BMP6: variants seen among roughly 807,000 people sequenced by gnomAD.
BMP6 encodes the protein bone morphogenetic protein 6, also known as VG-1-R.
In BMP6, 17 loss-of-function variants were observed where a neutral mutation model predicts 54.1. The observed-to-expected ratio is 0.31, with a 90% CI of 0.22 to 0.47. The LOEUF (loss-of-function observed/expected upper bound fraction) is 0.47. Ranked by LOEUF, BMP6 falls within the 20% of genes least tolerant of loss-of-function variation. BMP6 has a pLI of 1.00. For missense variants in BMP6, 720 were observed against 690.4 expected (o/e 1.04, Z -0.48); for synonymous variants, 328 against 291.2 (o/e 1.13, Z -1.28).
chr6:7,809,489 G>A (rs1448147944), intron 1 of BMP6, among the ~76,000 whole-genome samples: 1 of 152,210 alleles, frequency 6.6e-6, no homozygotes, highest in Non-Finnish European at 1.5e-5. Flanking sequence ...TGAGCAACAG[G>A]ATTTTTTTTT....
chr6:7,774,542 A>T (rs1757836550), intron 1 of BMP6, among the ~76,000 whole-genome samples: 1 of 152,046 alleles, frequency 6.6e-6, no homozygotes, highest in African/African-American at 2.4e-5. Flanking sequence ...ACAGAGGGAG[A>T]CTCTGTCTCA....
intron 4 of BMP6, among the ~76,000 whole-genome samples, chr6:7,867,735 A>AT (rs1759447634): frequency 6.6e-6 from 1 of 152,256 alleles, no homozygotes; most frequent in South Asian, 2.1e-4. Context: ...TTAATTCTCC[A>AT]TAGACATGGA....
intron 1 of BMP6, among the ~76,000 whole-genome samples, chr6:7,791,986 T>TTGGA (rs55687662): frequency 0.023 from 3,490 of 150,400 alleles, 91 homozygotes; most frequent in East Asian, 0.11. Flanking sequence ...ACAGGACCAA[T>TTGGA]TGGATGGATG....
intron 1 of BMP6, among the ~76,000 whole-genome samples, chr6:7,739,445 T>C (rs1231494125): frequency 6.6e-6 from 1 of 152,204 alleles, no homozygotes; most frequent in Non-Finnish European, 1.5e-5. Context: ...TATGGCCTTT[T>C]GCCTTAAAGA....
intron 4 of BMP6, among the ~76,000 whole-genome samples, chr6:7,872,965 A>G (rs1040583565): frequency 1.3e-5 from 2 of 151,716 alleles, no homozygotes; most frequent in Non-Finnish European, 2.9e-5. Context: ...GGCACACACC[A>G]CTATGTCCAG....
intron 1 of BMP6, among the ~76,000 whole-genome samples, chr6:7,838,159 AAGAG>A (rs928834925): frequency 7.9e-4 from 121 of 152,330 alleles, no homozygotes; most frequent in African/African-American, 2.8e-3. Context: ...TATTTTGAAA[AAGAG>A]AGAGAGACCA....
rs767598408 is a variant in BMP6 at position 7,727,204 on chromosome 6, C to A, written c.249C>A (p.Ile83=). The change falls in exon 1 of 7, where the codon ATC becomes ATA. Residue 83 remains isoleucine (I), a synonymous_variant. Transcript: ENST00000283147. ...AGAAGCGGGAGATGCAGAAGGAGATCTTGTCGGTGCTGGGGCTCCCGCACC... is the reference window on the plus strand; with the variant it reads ...AGAAGCGGGAGATGCAGAAGGAGATATTGTCGGTGCTGGGGCTCCCGCACC... ...TQEKREMQKE[I]LSVLGLPHRP... is the part of the protein sequence containing the mutation. The A allele has an allele frequency of 8.2e-5, 131 of 1,604,770 alleles. No homozygotes were observed. Among genetic ancestry groups the A allele is most frequent in the Non-Finnish European group, 1.0e-4 (118 of 1,176,526 alleles).
At chr6:7,734,905 G>GA (rs1467865609) in intron 1 of BMP6, among the ~76,000 whole-genome samples, 2 of 152,376 alleles carry the variant, frequency 1.3e-5, no homozygotes, top group East Asian at 3.9e-4. Context: ...TTCCAAGTGG[G>GA]AGAGCCTTCC....
At chr6:7,879,581 C>G (rs1759677188) in intron 5 of BMP6, among the ~76,000 whole-genome samples, 2 of 152,136 alleles carry the variant, frequency 1.3e-5, no homozygotes, top group South Asian at 4.1e-4. Flanking sequence ...TTGCCTCGTA[C>G]CTGAGAACCA....
intron 4 of BMP6, among the ~76,000 whole-genome samples, chr6:7,877,172 G>A (rs1335208003): frequency 6.6e-6 from 1 of 152,186 alleles, no homozygotes; most frequent in African/African-American, 2.4e-5. Context: ...GCTTCTCTGG[G>A]GTCCTTAAAG....
At chr6:7,800,908 GGGGA>G (rs371230122) in intron 1 of BMP6, among the ~76,000 whole-genome samples, 2,749 of 141,100 alleles carry the variant, frequency 0.019, 100 homozygotes, top group African/African-American at 0.066. Flanking sequence ...AATAAAGCGG[GGGGA>G]GGGGGGGGCA....
At chr6:7,814,678 G>A (rs551818722) in intron 1 of BMP6, among the ~76,000 whole-genome samples, 15 of 152,264 alleles carry the variant, frequency 9.9e-5, no homozygotes, top group African/African-American at 3.6e-4. Context: ...CAATACACCA[G>A]TTCCTGTTCT....
intron 1 of BMP6, among the ~76,000 whole-genome samples, chr6:7,807,668 C>T (rs1758367695): frequency 2.0e-5 from 3 of 152,186 alleles, no homozygotes; most frequent in African/African-American, 2.4e-5. Flanking sequence ...ATTTGTGTTT[C>T]TACTGGCCCT....
chr6:7,757,982 A>C (rs933528614), intron 1 of BMP6, among the ~76,000 whole-genome samples: 3 of 152,204 alleles, frequency 2.0e-5, no homozygotes, highest in African/African-American at 4.8e-5. Flanking sequence ...TCTATTTCAG[A>C]ATCTTGCCTC....
At chr6:7,791,396 A>G (rs1372200537) in intron 1 of BMP6, among the ~76,000 whole-genome samples, 1 of 152,098 alleles carries the variant, frequency 6.6e-6, no homozygotes, top group East Asian at 1.9e-4. Context: ...GGGGAGCAGC[A>G]TCTTCCCCTA....
chr6:7,792,186 G>A (rs1758119000), intron 1 of BMP6, among the ~76,000 whole-genome samples: 1 of 152,180 alleles, frequency 6.6e-6, no homozygotes, highest in Admixed American at 6.5e-5. Flanking sequence ...TCTTACCTGG[G>A]AAACCTCCGT....
At chr6:7,814,827 G>A (rs1215908664) in intron 1 of BMP6, among the ~76,000 whole-genome samples, 2 of 152,128 alleles carry the variant, frequency 1.3e-5, no homozygotes, top group Non-Finnish European at 2.9e-5. Flanking sequence ...TCGGGGTGAG[G>A]CAGGGGAGGG....
intron 1 of BMP6, among the ~76,000 whole-genome samples, chr6:7,742,004 C>G (rs575777948): frequency 2.0e-4 from 30 of 152,314 alleles, no homozygotes; most frequent in African/African-American, 6.7e-4. Flanking sequence ...GTCAGTTTCT[C>G]AAAAATAAAA....
intron 1 of BMP6, among the ~76,000 whole-genome samples, chr6:7,832,585 C>T (rs1758809390): frequency 6.6e-6 from 1 of 151,858 alleles, no homozygotes; most frequent in Non-Finnish European, 1.5e-5. Context: ...TTGCGTATTG[C>T]AAGTAGGTGG....
Sources: gnomAD v4.1 joint callset for allele counts (sites outside exome capture counted in the v4.1 genomes callset) on GRCh38, gnomAD v4.1.1 for gene constraint, MANE v1.5 for transcripts, NCBI Gene and HGNC (gene_info 2026-07-23, HGNC 2026-07-21) for gene names.